The following DEPDC1 variants were observed in gnomAD, a reference collection of about 807,000 sequenced individuals.
DEPDC1 encodes the protein DEP domain-containing protein 1A.
A neutral mutation model predicts 86.8 loss-of-function variants in DEPDC1; 66 were observed. The ratio of observed to expected loss-of-function variants is 0.76; its 90% CI spans 0.62 to 0.93. DEPDC1 has a LOEUF of 0.93. Among genes scored for constraint, DEPDC1 ranks in the 40% least tolerant of loss-of-function variants. The pLI is 0.00. For synonymous variants in DEPDC1, 255 were observed against 314.9 expected, an observed-to-expected ratio of 0.81 and a Z score of 2.02; for missense variants, 792 against 935.7, an observed-to-expected ratio of 0.85 and a Z score of 2.00.
rs1439409751 is a variant in DEPDC1, at chr1:68,494,510, T to C, written c.234A>G (p.Lys78=). The C allele has an allele frequency of 1.9e-6, 3 of 1,613,766 alleles. No homozygotes were observed. The highest frequency in any genetic ancestry group is 2.2e-5 in the South Asian group (2 of 91,072). The change falls in exon 2 of 12, where the codon AAA becomes AAG. Residue 78 remains lysine (K), a synonymous_variant. Coordinates refer to ENST00000456315, the MANE Select transcript of DEPDC1 (RefSeq NM_001114120.3). ...CTTCAATTACATGATTCTTAAGAAA[T>C]TTCCTCAACAGTTGGATAGTCTGTT... The part of the protein sequence containing the change: ...TRQQTIQLLR[K]FLKNHVIEDI...
In DEPDC1 at chr1:68,483,121, CTT is replaced by C. The variant is rs1250189007; in HGVS notation, c.911-226_911-225del. On this transcript the variant is annotated intron_variant, in intron 7 of 11. Transcript: ENST00000456315. Reference sequence around the variant, plus strand: ...AGTGGTTTTCCCATTTGTAATATAACTTTAAAAAATTATTTCAACAGCCTAAT... The same window carrying C: ...AGTGGTTTTCCCATTTGTAATATAACTAAAAAATTATTTCAACAGCCTAAT... The C allele has an allele frequency of 5.3e-6, 3 of 564,978 alleles. No homozygotes were observed. The African/African-American group carries it at 5.7e-5, about 11-fold the overall frequency. The allele number at this position is 564,978 out of a possible 1,614,324, so 35.0% of individuals were successfully genotyped here.
chr1:68,483,619 C>A (rs1483886180), intron 7 of DEPDC1: 2 of 277,538 alleles, frequency 7.2e-6, no homozygotes, highest in South Asian at 3.8e-5. Flanking sequence ...GTGCCACCCC[C>A]ACCCTCATAC....
rs1439211220 is a variant in DEPDC1, at chr1:68,487,086, A to G, written c.722-102T>C. ...TGCAATTATATATATGTATATACAC[A>G]TACACATACATGTTACATTTGTATA... On this transcript the variant is annotated intron_variant, in intron 5 of 11. Coordinates refer to ENST00000456315, the MANE Select transcript of DEPDC1 (RefSeq NM_001114120.3). The G allele has an allele frequency of 1.7e-5, 16 of 921,032 alleles. No homozygotes were observed. In the Admixed American group the frequency reaches 4.7e-4, roughly 27 times the overall value. The allele number at this position is 921,032 out of a possible 1,614,324, so 57.1% of individuals were successfully genotyped here. A position where few individuals can be genotyped will look rare whatever the true frequency, so the allele number is the denominator to read the frequency against.
rs1646169856 is a variant in DEPDC1 at position 68,483,216 on chromosome 1, A to C, written c.911-319T>G. 4 of 533,438 alleles carry C rather than the reference A, an allele frequency of 7.5e-6. No individual in the cohort carries two copies. In the East Asian group the frequency reaches 1.9e-4, roughly 26 times the overall value. 33.0% of individuals were successfully genotyped at this position (533,438 alleles called of 1,614,324 possible). On this transcript the variant is annotated intron_variant, in intron 7 of 11. Coordinates refer to ENST00000456315, the MANE Select transcript of DEPDC1 (RefSeq NM_001114120.3). ...GTCTGCAAGTACTAGAAACCTCATA[A>C]ATATAAGATAATTGTGGTATAATAA...
chr1:68,495,674 G>C (rs1158558448), intron 1 of DEPDC1, among the ~76,000 whole-genome samples: 1 of 152,176 alleles, frequency 6.6e-6, no homozygotes, highest in African/African-American at 2.4e-5. Context: ...GTGGCTTTAA[G>C]AACAGGCTCT....
At position 68,475,698 on chromosome 1, in the gene DEPDC1, A is replaced by G. The variant is rs1365535289; in HGVS notation, c.*1234T>C. 6.6e-6 allele frequency: 1 copy of G among 151,890 alleles called. No homozygotes were observed. Among genetic ancestry groups the G allele is most frequent in the South Asian group, 2.1e-4 (1 of 4,828 alleles). 9.4% of individuals were successfully genotyped at this position (151,890 alleles called of 1,614,324 possible). ...AGGCAACTTGCTTCAAGTTTGTACC[A>G]AGTCAATCAAGCAGAAACCTGAAGA... On this transcript the variant is annotated 3_prime_UTR_variant, in exon 12 of 12. Coordinates refer to ENST00000456315, the MANE Select transcript of DEPDC1 (RefSeq NM_001114120.3).
chr1:68,491,248 C>A (rs1646227194), intron 2 of DEPDC1, among the ~76,000 whole-genome samples: 1 of 152,062 alleles, frequency 6.6e-6, no homozygotes, highest in Non-Finnish European at 1.5e-5. Context: ...AACAGACAAC[C>A]TATCGAATGG....
chr1:68,490,015 C>T (rs1646219030), intron 2 of DEPDC1, among the ~76,000 whole-genome samples: 1 of 151,886 alleles, frequency 6.6e-6, no homozygotes, highest in African/African-American at 2.4e-5. Context: ...TTTTGGCCTC[C>T]TTTTATTTTA....
chr1:68,475,935 G>C lies in DEPDC1; in HGVS notation c.*997C>G, dbSNP rs1646112084. ...CATCCCCAAAATTCAGATTTAATTA[G>C]TGTAAGTTAGGCCCTGGGCATATAG... is the stretch of plus-strand genomic sequence containing the variant. On this transcript the variant is annotated 3_prime_UTR_variant, in exon 12 of 12. Transcript: ENST00000456315. 1 of 151,810 alleles carries C rather than the reference G, an allele frequency of 6.6e-6. No individual in the cohort carries two copies. The highest frequency in any genetic ancestry group is 2.1e-4 in the South Asian group (1 of 4,832). The allele number at this position is 151,810 out of a possible 1,614,324, so 9.4% of individuals were successfully genotyped here. A position where few individuals can be genotyped will look rare whatever the true frequency, so the allele number is the denominator to read the frequency against.
intron 7 of DEPDC1, chr1:68,483,460 C>A (rs1646171988): frequency 2.6e-6 from 1 of 384,912 alleles, no homozygotes; most frequent in Admixed American, 3.7e-5. Context: ...GTTCAATTGA[C>A]AACAGTGACC....
intron 6 of DEPDC1, among the ~76,000 whole-genome samples, chr1:68,485,828 C>A (rs1477297933): frequency 6.6e-6 from 1 of 151,884 alleles, no homozygotes. Flanking sequence ...CATATTGACA[C>A]CCAGTGGACA....
At position 68,482,406 on chromosome 1, in the gene DEPDC1, T is replaced by G; in HGVS notation, c.1402A>C (p.Asn468His). 7 of 1,612,828 alleles carry G rather than the reference T, an allele frequency of 4.3e-6. No homozygotes were observed. The highest frequency in any genetic ancestry group is 5.1e-6 in the Non-Finnish European group (6 of 1,179,244). The change falls in exon 8 of 12, where the codon AAT (asparagine) becomes CAT (histidine). Residue 468 changes from asparagine to histidine, a missense_variant. Asn to His is a moderately conservative substitution (Grantham distance 68). Transcript: ENST00000456315. Reference sequence around the variant, plus strand: ...TGAATATTTTCCTCTGAATGAAGATTCAACAGGAATTCCTGTTTGGGCTTA... The same window carrying G: ...TGAATATTTTCCTCTGAATGAAGATGCAACAGGAATTCCTGTTTGGGCTTA... ...ESKPKQEFLL[N>H]LHSEENIQKP...
chr1:68,489,323 G>T, intron 3 of DEPDC1, 129 bp downstream of exon 3: 1 of 605,140 alleles, frequency 1.7e-6, no homozygotes, highest in Non-Finnish European at 2.7e-6. Context: ...TACATATTTA[G>T]AATGTAATGT....
chr1:68,487,826 C>T (rs1191428810), intron 5 of DEPDC1, among the ~76,000 whole-genome samples: 2 of 151,760 alleles, frequency 1.3e-5, no homozygotes, highest in African/African-American at 4.8e-5. Context: ...TGAATTATTT[C>T]CCTGATTTTT....
In DEPDC1 at chr1:68,482,679, C is replaced by T. The variant is rs1646165208; in HGVS notation, c.1129G>A (p.Ala377Thr). Residue 377 changes from alanine to threonine, a missense_variant, in exon 8 of 12, where the codon GCT (alanine) becomes ACT (threonine). Ala to Thr is a moderately conservative substitution (Grantham distance 58). Transcript: ENST00000456315. ...AAATTAACTAGCTGCATTTTCTTAG[C>T]ACATCTTTCTTGAAATCCTGGATTG... ...ISNPGFQERC[A>T]KKMQLVNLRN... is the part of the protein sequence containing the mutation. 5 of 1,612,290 alleles carry T rather than the reference C, an allele frequency of 3.1e-6. No individual in the cohort carries two copies. Among genetic ancestry groups the T allele is most frequent in the African/African-American group, 2.7e-5 (2 of 74,822 alleles).
Position 68,489,397 on chromosome 1 carries a change from CATT to C in DEPDC1, c.471+52_471+54del, listed in dbSNP as rs1646214444. 3.3e-6 allele frequency: 4 copies of C among 1,212,354 alleles called. No homozygotes were observed. In the Admixed American group the frequency reaches 8.5e-5, roughly 26 times the overall value. The allele number at this position is 1,212,354 out of a possible 1,614,324, so 75.1% of individuals were successfully genotyped here. ...AATAATTTACTTTTAATGATTCTAT[CATT>C]GAGTACATCATAATTATATTTAAAC... is the stretch of plus-strand genomic sequence containing the variant. On this transcript the variant is annotated intron_variant, in intron 3 of 11. Transcript: ENST00000456315.
intron 4 of DEPDC1, 101 bp downstream of exon 4, chr1:68,488,815 C>T (rs1456873218): frequency 2.4e-6 from 2 of 843,764 alleles, no homozygotes; most frequent in Non-Finnish European, 4.0e-6. Context: ...TCTAAGCTTT[C>T]AGAATTAATC....
At chr1:68,493,566 G>A (rs1328411136) in intron 2 of DEPDC1, among the ~76,000 whole-genome samples, 11 of 152,176 alleles carry the variant, frequency 7.2e-5, no homozygotes, top group Non-Finnish European at 1.5e-5. Context: ...CATGGTCTCA[G>A]TTTCCCCATC....
intron 1 of DEPDC1, 130 bp from the exon 2 acceptor site, chr1:68,494,825 A>G: frequency 2.5e-6 from 2 of 814,304 alleles, no homozygotes; most frequent in African/African-American, 1.7e-5. Context: ...TTGAAGAATC[A>G]TTCATCTTAT....
Sources: gnomAD v4.1 joint callset for allele counts (sites outside exome capture counted in the v4.1 genomes callset) on GRCh38, gnomAD v4.1.1 for gene constraint, MANE v1.5 for transcripts, NCBI Gene and HGNC (gene_info 2026-07-23, HGNC 2026-07-21) for gene names.